The following WDR72 variants were observed in gnomAD, a reference collection of about 807,000 sequenced individuals.
The protein encoded by WDR72 is WD repeat domain 72, also known as WD repeat-containing protein 72.
A neutral mutation model predicts 124.2 loss-of-function variants in WDR72; 120 were observed. The ratio of observed to expected loss-of-function variants is 0.97; its 90% CI spans 0.83 to 1.12. WDR72 has a LOEUF of 1.12. Ranked by LOEUF, WDR72 falls within the 50% of genes most tolerant of loss-of-function variation. The probability of loss-of-function intolerance (pLI) is 0.00; values close to 1 mark genes in which losing one functional copy is unlikely to be tolerated. For missense variants in WDR72, 1,387 were observed against 1,278.8 expected (o/e 1.08, Z -1.29); for synonymous variants, 452 against 441.7 (o/e 1.02, Z -0.29).
chr15:53,547,259 A>T (rs1234964271), intron 18 of WDR72, among the ~76,000 whole-genome samples: 3 of 152,202 alleles, frequency 2.0e-5, no homozygotes. Flanking sequence ...CAGCCTCCCG[A>T]GTTGCCGGGA....
At chr15:53,713,153 TAA>T (rs56361280) in intron 6 of WDR72, among the ~76,000 whole-genome samples, 34 of 130,724 alleles carry the variant, frequency 2.6e-4, no homozygotes, top group South Asian at 4.7e-4. Flanking sequence ...CCTGAAAGTT[TAA>T]AAAAAAAAAA....
At chr15:53,675,880 G>A (rs1419015369) in intron 13 of WDR72, among the ~76,000 whole-genome samples, 5 of 152,100 alleles carry the variant, frequency 3.3e-5, no homozygotes, top group Admixed American at 3.3e-4. Context: ...TTATTTTTTT[G>A]GAGAGGAAGG....
intron 11 of WDR72, among the ~76,000 whole-genome samples, chr15:53,704,027 T>C (rs1595861922): frequency 6.6e-6 from 1 of 152,126 alleles, no homozygotes; most frequent in East Asian, 1.9e-4. Context: ...TTACCTCTCT[T>C]TGGTTCATTG....
At chr15:53,567,200 T>C (rs1165312659) in intron 18 of WDR72, among the ~76,000 whole-genome samples, 1 of 152,004 alleles carries the variant, frequency 6.6e-6, no homozygotes, top group Non-Finnish European at 1.5e-5. Context: ...ATCAGTCTTG[T>C]TATATTTTCC....
intron 18 of WDR72, among the ~76,000 whole-genome samples, chr15:53,576,797 C>A (rs890711584): frequency 3.3e-5 from 5 of 152,126 alleles, no homozygotes; most frequent in African/African-American, 1.2e-4. Flanking sequence ...TCAGCTCCAG[C>A]CTACTGTTGT....
intron 13 of WDR72, among the ~76,000 whole-genome samples, chr15:53,675,496 ATCT>A (rs2016139526): frequency 2.6e-5 from 4 of 152,236 alleles, no homozygotes; most frequent in South Asian, 4.1e-4. Flanking sequence ...TTGTACAATT[ATCT>A]ATTATATACA....
At chr15:53,565,125 C>T (rs1437611818) in intron 18 of WDR72, among the ~76,000 whole-genome samples, 1 of 151,772 alleles carries the variant, frequency 6.6e-6, no homozygotes, top group Non-Finnish European at 1.5e-5. Flanking sequence ...ATTTCATGAG[C>T]ATATTCTGGG....
At chr15:53,761,528 C>T (rs964834904), upstream of WDR72, among the ~76,000 whole-genome samples, 11 of 152,116 alleles carry the variant, frequency 7.2e-5, no homozygotes, top group Non-Finnish European at 1.5e-4. Flanking sequence ...GATGGAAGGA[C>T]GTTTTCCTCA....
Position 53,749,307 on chromosome 15 carries a change from C to T in WDR72, c.-13+10326G>A, listed in dbSNP as rs140292227. Among the ~76,000 whole-genome samples, 537 of 152,148 alleles carry T rather than the reference C, an allele frequency of 3.5e-3. 4 individuals carry two copies. The highest frequency in any genetic ancestry group is 0.013 in the African/African-American group (529 of 41,526). On this transcript the variant is annotated intron_variant, in intron 1 of 19. Coordinates refer to ENST00000360509, the MANE Select transcript of WDR72 (RefSeq NM_182758.4). Reference sequence around the variant, plus strand: ...ATTCTCATAATATTTCAAACTTTGTCAATAACATTTTTATTATATCTGTTG... The same window carrying T: ...ATTCTCATAATATTTCAAACTTTGTTAATAACATTTTTATTATATCTGTTG...
chr15:53,747,030 G>T (rs1001849296), intron 1 of WDR72, among the ~76,000 whole-genome samples: 2 of 152,120 alleles, frequency 1.3e-5, no homozygotes, highest in Non-Finnish European at 2.9e-5. Flanking sequence ...GTAACTGGGT[G>T]TTCTGGTAGG....
chr15:53,740,341 T>G lies in WDR72; in HGVS notation c.-12-7180A>C, dbSNP rs1226909379. Among the ~76,000 whole-genome samples the G allele has an allele frequency of 2.0e-5, 3 of 150,440 alleles. No homozygotes were observed. The East Asian group carries it at 5.9e-4, about 29-fold the overall frequency. ...TTTTTTTTTTGAGACGGAGTCTCTCTCTGTCGCCCAGGCTGGAGTGCAGTG... is the reference window on the plus strand; with the variant it reads ...TTTTTTTTTTGAGACGGAGTCTCTCGCTGTCGCCCAGGCTGGAGTGCAGTG... On this transcript the variant is annotated intron_variant, in intron 1 of 19. Transcript: ENST00000360509.
chr15:53,688,982 T>C (rs1394928643), intron 13 of WDR72, among the ~76,000 whole-genome samples: 4 of 152,212 alleles, frequency 2.6e-5, no homozygotes, highest in Non-Finnish European at 5.9e-5. Flanking sequence ...CCCTATTTAA[T>C]AAATGGTGCT....
At chr15:53,539,195 C>G (rs1264660123) in intron 18 of WDR72, among the ~76,000 whole-genome samples, 1 of 152,070 alleles carries the variant, frequency 6.6e-6, no homozygotes, top group Non-Finnish European at 1.5e-5. Context: ...CATGCAATAA[C>G]TTAAGAAATA....
chr15:53,696,256 G>C (rs1246079544), intron 13 of WDR72, among the ~76,000 whole-genome samples: 1 of 152,186 alleles, frequency 6.6e-6, no homozygotes, highest in East Asian at 1.9e-4. Flanking sequence ...GGAGAGAATA[G>C]TAAAACTAAA....
chr15:53,698,526 C>A (rs1031409383), intron 13 of WDR72, among the ~76,000 whole-genome samples: 2 of 152,084 alleles, frequency 1.3e-5, no homozygotes, highest in African/African-American at 2.4e-5. Flanking sequence ...GATAGGAAGG[C>A]AGTATTATTA....
intron 14 of WDR72, among the ~76,000 whole-genome samples, chr15:53,632,080 G>A (rs1283641184): frequency 6.6e-6 from 1 of 152,076 alleles, no homozygotes; most frequent in East Asian, 1.9e-4. Context: ...ACAATGAGGA[G>A]AAGTCTTCTA....
chr15:53,708,930 G>A (rs185527369), intron 9 of WDR72, among the ~76,000 whole-genome samples: 19 of 152,216 alleles, frequency 1.2e-4, no homozygotes, highest in Admixed American at 1.0e-3. Context: ...AAGGAAAGAC[G>A]AATCCTCATT....
chr15:53,707,571 C>T (rs556217), intron 9 of WDR72, among the ~76,000 whole-genome samples: 57,574 of 151,722 alleles, frequency 0.38, 12,291 homozygotes, highest in Middle Eastern at 0.6. Context: ...CTCAGCCTCC[C>T]GAGTAGCTGG....
intron 2 of WDR72, among the ~76,000 whole-genome samples, chr15:53,725,902 G>A (rs1315750915): frequency 4.6e-5 from 7 of 151,712 alleles, no homozygotes; most frequent in African/African-American, 1.2e-4. Flanking sequence ...GACGAACCTC[G>A]TATCTATTAA....
Sources: gnomAD v4.1 joint callset for allele counts (sites outside exome capture counted in the v4.1 genomes callset) on GRCh38, gnomAD v4.1.1 for gene constraint, MANE v1.5 for transcripts, NCBI Gene and HGNC (gene_info 2026-07-23, HGNC 2026-07-21) for gene names.